Variants in ZFYVE28 observed in about 807,000 individuals in gnomAD.
The protein encoded by ZFYVE28 is zinc finger FYVE-type containing 28, also known as lateral signaling target protein 2 homolog.
A neutral mutation model predicts 82.1 loss-of-function variants in ZFYVE28; 40 were observed. The observed-to-expected ratio is 0.49, with a 90% confidence interval of 0.38 to 0.63. ZFYVE28 has a LOEUF of 0.63. Among genes scored for constraint, ZFYVE28 ranks in the 30% least tolerant of loss-of-function variants. ZFYVE28 has a pLI of 0.00. For synonymous variants in ZFYVE28, 612 were observed against 546.1 expected (o/e 1.12, Z -1.68); for missense variants, 1,321 against 1,242.1 (o/e 1.06, Z -0.96).
chr4:2,345,633 A>G (rs1005194824), intron 2 of ZFYVE28, among the ~76,000 whole-genome samples: 5 of 151,784 alleles, frequency 3.3e-5, no homozygotes, highest in African/African-American at 1.2e-4. Context: ...AAATATTTGG[A>G]GGAATAATGG....
At chr4:2,280,849 T>G (rs572709750) in intron 8 of ZFYVE28, among the ~76,000 whole-genome samples, 2 of 152,298 alleles carry the variant, frequency 1.3e-5, no homozygotes, top group Admixed American at 6.5e-5. Context: ...ACCCTGAAGC[T>G]GGGAAGGCTA....
intron 2 of ZFYVE28, chr4:2,343,223 G>C (rs202166776): frequency 6.6e-6 from 1 of 152,218 alleles, no homozygotes; most frequent in East Asian, 1.9e-4. Context: ...GAATTACAAT[G>C]TCAAAAGTGC....
chr4:2,325,305 T>C (rs1313738225), intron 6 of ZFYVE28, among the ~76,000 whole-genome samples: 1 of 152,218 alleles, frequency 6.6e-6, no homozygotes, highest in Non-Finnish European at 1.5e-5. Flanking sequence ...ATGTACAGAC[T>C]AAATGGCCTT....
At chr4:2,397,951 G>A (rs981643018) in intron 1 of ZFYVE28, among the ~76,000 whole-genome samples, 1 of 151,164 alleles carries the variant, frequency 6.6e-6, no homozygotes, top group African/African-American at 2.4e-5. Flanking sequence ...GAGCTGAGGC[G>A]GGTTTCCAGG....
At chr4:2,410,589 A>G (rs184659366) in intron 1 of ZFYVE28, among the ~76,000 whole-genome samples, 3,131 of 151,122 alleles carry the variant, frequency 0.021, 86 homozygotes, top group African/African-American at 0.066. Context: ...TCCGCCTCCC[A>G]GGTTCACGCC....
In ZFYVE28 at chr4:2,305,643, C is replaced by T. The variant is rs573013871; in HGVS notation, c.804-107G>A. The T allele has an allele frequency of 6.0e-6, 8 of 1,335,834 alleles. No individual in the cohort carries two copies. In the African/African-American group the frequency reaches 1.0e-4, roughly 17 times the overall value. 82.7% of individuals were successfully genotyped at this position (1,335,834 alleles called of 1,614,324 possible). On this transcript the variant is annotated intron_variant, in intron 7 of 12. Transcript: ENST00000290974. ...GGAGTCTGCACCAGCAGAACAACAGCCAGGCACTGAATGCTTGCAACTGAA... is the reference window on the plus strand; with the variant it reads ...GGAGTCTGCACCAGCAGAACAACAGTCAGGCACTGAATGCTTGCAACTGAA...
At chr4:2,308,730 GAA>G (rs910168573) in intron 7 of ZFYVE28, among the ~76,000 whole-genome samples, 2 of 149,448 alleles carry the variant, frequency 1.3e-5, no homozygotes, top group African/African-American at 4.9e-5. Context: ...AAAGAAAAAA[GAA>G]AAGAAAGGAA....
chr4:2,403,578 C>T (rs1731433346), intron 1 of ZFYVE28, among the ~76,000 whole-genome samples: 1 of 152,176 alleles, frequency 6.6e-6, no homozygotes, highest in African/African-American at 2.4e-5. Flanking sequence ...TGGGGCAGCT[C>T]AAAGCCATAG....
intron 6 of ZFYVE28, among the ~76,000 whole-genome samples, chr4:2,326,108 GCCAAAT>G (rs1719819318): frequency 6.6e-6 from 1 of 152,114 alleles, no homozygotes; most frequent in South Asian, 2.1e-4. Flanking sequence ...GCACTTTGGG[GCCAAAT>G]CCAAAAAGTC....
At position 2,304,292 on chromosome 4, in the gene ZFYVE28, G is replaced by A. The variant is rs982123438; in HGVS notation, c.2048C>T (p.Ser683Phe). ...AHEAPQALSGSSSSTAGSCSS... is the reference protein window; with the variant it reads ...AHEAPQALSGFSSSTAGSCSS... Reference sequence around the variant, plus strand: ...TCTGGGCCAGACTGGCTCTTACCTGGAGCCCGACAGGGCCTGAGGCGCCTC... The same window carrying A: ...TCTGGGCCAGACTGGCTCTTACCTGAAGCCCGACAGGGCCTGAGGCGCCTC... Residue 683 changes from serine (S) to phenylalanine (F), a missense_variant, in exon 8 of 13, where the codon TCC (serine) becomes TTC (phenylalanine). Physicochemically the swap from Ser to Phe is radical, Grantham distance 155. Coordinates refer to ENST00000290974, the MANE Select transcript of ZFYVE28 (RefSeq NM_020972.3). 3.8e-6 allele frequency: 6 copies of A among 1,569,450 alleles called. No individual in the cohort carries two copies. The highest frequency in any genetic ancestry group is 1.7e-4 in the Middle Eastern group (1 of 5,870).
chr4:2,330,999 C>T (rs761820112), intron 6 of ZFYVE28: 34 of 1,466,478 alleles, frequency 2.3e-5, no homozygotes, highest in South Asian at 4.8e-5. Context: ...CTGCAGGCCA[C>T]GTGGGCGGTG....
intron 6 of ZFYVE28, chr4:2,330,673 A>T (rs1185047435): frequency 7.0e-7 from 1 of 1,432,948 alleles, no homozygotes; most frequent in East Asian, 2.6e-5. Context: ...CATGGAGAGG[A>T]CAGCATGGCC....
chr4:2,337,097 G>T lies in ZFYVE28; in HGVS notation c.611+310C>A, dbSNP rs76154676. 8.2e-3 allele frequency among the ~76,000 whole-genome samples: 1,248 copies of T among 151,890 alleles called. 43 individuals carry two copies. In the East Asian group the frequency reaches 0.086, roughly 10 times the overall value. On this transcript the variant is annotated intron_variant, in intron 5 of 12. Coordinates refer to ENST00000290974, the MANE Select transcript of ZFYVE28 (RefSeq NM_020972.3). ...AAGGTTTGGACGTCCAATCCATCATGCCAGAGCCTTCCAGCTTTTGTCCTC... is the reference window on the plus strand; with the variant it reads ...AAGGTTTGGACGTCCAATCCATCATTCCAGAGCCTTCCAGCTTTTGTCCTC...
At chr4:2,353,007 C>G (rs1403178722) in intron 2 of ZFYVE28, among the ~76,000 whole-genome samples, 1 of 152,226 alleles carries the variant, frequency 6.6e-6, no homozygotes, top group African/African-American at 2.4e-5. Flanking sequence ...CTCCTGGGGG[C>G]AGGGACTCTC....
At position 2,281,193 on chromosome 4, in the gene ZFYVE28, A is replaced by G. The variant is rs191197891; in HGVS notation, c.2052-6977T>C. On this transcript the variant is annotated intron_variant, in intron 8 of 12. Coordinates refer to ENST00000290974, the MANE Select transcript of ZFYVE28 (RefSeq NM_020972.3). ...AGAGATGTCACAGGTAGAAAAACCA[A>G]TGAGGTACTGCCCAAGGGAACCGGC... is the stretch of plus-strand genomic sequence containing the variant. 4.6e-5 allele frequency among the ~76,000 whole-genome samples: 7 copies of G among 152,170 alleles called. No individual in the cohort carries two copies. In the East Asian group the frequency reaches 1.2e-3, roughly 25 times the overall value.
intron 1 of ZFYVE28, among the ~76,000 whole-genome samples, chr4:2,391,694 A>G (rs569570706): frequency 1.9e-3 from 279 of 149,866 alleles, no homozygotes; most frequent in African/African-American, 6.5e-3. Flanking sequence ...TTCTGTATCT[A>G]TAAATTTGAC....
intron 6 of ZFYVE28, among the ~76,000 whole-genome samples, chr4:2,329,966 G>C (rs1244461560): frequency 1.3e-5 from 2 of 152,194 alleles, no homozygotes; most frequent in Non-Finnish European, 2.9e-5. Context: ...TGACATGACA[G>C]GCACTCAGGA....
chr4:2,310,393 C>T (rs1386863118), intron 7 of ZFYVE28, among the ~76,000 whole-genome samples: 1 of 152,110 alleles, frequency 6.6e-6, no homozygotes, highest in Non-Finnish European at 1.5e-5. Context: ...TTTCATTTGT[C>T]TGTATCTTTT....
rs76566109 is a variant in ZFYVE28 at position 2,305,497 on chromosome 4, C to T, written c.843G>A (p.Thr281=). 2,739 of 1,612,962 alleles carry T rather than the reference C, an allele frequency of 1.7e-3. 31 individuals are homozygous for T. The African/African-American group carries it at 0.033, about 20-fold the overall frequency. The part of the protein sequence containing the change: ...LQTLTEEELH[T]LERNLCISQD... ...GGGAAATGCAGAGGTTCCGTTCCAG[C>T]GTGTGCAGCTCCTCCTCCGTCAGCG... Residue 281 remains threonine, a synonymous_variant, in exon 8 of 13, where the codon ACG becomes ACA. Transcript: ENST00000290974.
Sources: allele counts gnomAD v4.1 joint callset (sites outside exome capture counted in the v4.1 genomes callset), GRCh38; gene constraint gnomAD v4.1.1; transcripts MANE v1.5; gene names NCBI Gene and HGNC (gene_info 2026-07-23, HGNC 2026-07-21).